The following C1QA variants were observed in gnomAD, a reference collection of about 807,000 sequenced individuals.
C1QA encodes complement C1q A chain, also known as complement C1q subcomponent subunit A.
Under a neutral mutation model 6.9 loss-of-function variants are expected in C1QA, and 3 were observed. That is an observed-to-expected ratio of 0.44 (90% CI 0.20 to 1.12). C1QA has a LOEUF of 1.12. Ranked by LOEUF, C1QA falls within the 50% of genes most tolerant of loss-of-function variation. The probability of loss-of-function intolerance (pLI) is 0.27; values close to 1 mark genes in which losing one functional copy is unlikely to be tolerated. For synonymous variants in C1QA, 128 were observed against 134.1 expected (o/e 0.95, Z 0.31); for missense variants, 273 against 326.6 (o/e 0.84, Z 1.26).
chr1:22,637,050 C>A lies in C1QA; in HGVS notation c.-8+348C>A, dbSNP rs1642191870. 6.6e-6 allele frequency among the ~76,000 whole-genome samples: 1 copy of A among 152,164 alleles called. No individual in the cohort carries two copies. Among genetic ancestry groups the A allele is most frequent in the South Asian group, 2.1e-4 (1 of 4,828 alleles). On this transcript the variant is annotated intron_variant, in intron 1 of 2. Coordinates refer to ENST00000374642, the MANE Select transcript of C1QA (RefSeq NM_015991.4). This position sits in a 1 kb window ranked among gnomAD's most constrained non-coding sequence, Gnocchi z 4.4. ...CAGCAGAGGGGACTGTAGGGGCAGCCAGTCACCCATGCTCAGGTGGATGCT... is the reference window on the plus strand; with the variant it reads ...CAGCAGAGGGGACTGTAGGGGCAGCAAGTCACCCATGCTCAGGTGGATGCT...
rs551741070 is a variant in C1QA at position 22,637,403 on chromosome 1, T to A, written c.-7-207T>A. Among the ~76,000 whole-genome samples the A allele has an allele frequency of 3.6e-4, 55 of 152,218 alleles. No individual in the cohort carries two copies. Among genetic ancestry groups the A allele is most frequent in the African/African-American group, 1.1e-3 (46 of 41,524 alleles). The stretch of plus-strand genomic sequence containing the variant: ...GTGTGAAGATGTGGGTGTGCTCTGT[T>A]GCATGTGTGGATGTGTGTGAGTTTG... On this transcript the variant is annotated intron_variant, in intron 1 of 2. Coordinates refer to ENST00000374642, the MANE Select transcript of C1QA (RefSeq NM_015991.4). The surrounding 1 kb of genome is among the most constrained non-coding windows in gnomAD (Gnocchi z 4.4).
At position 22,639,085 on chromosome 1, in the gene C1QA, A is replaced by G. The variant is rs1376204164; in HGVS notation, c.416A>G (p.Asn139Ser). 6.2e-7 allele frequency: 1 copy of G among 1,614,100 alleles called. No homozygotes were observed. The highest frequency in any genetic ancestry group is 8.5e-7 in the Non-Finnish European group (1 of 1,180,042). Residue 139 changes from asparagine to serine, a missense_variant, in exon 3 of 3, where the codon AAC becomes AGC. Coordinates refer to ENST00000374642, the MANE Select transcript of C1QA (RefSeq NM_015991.4). The surrounding 1 kb of genome is among the most constrained non-coding windows in gnomAD (Gnocchi z 4.6). ...NVVIFDTVIT[N>S]QEEPYQNHSG... ...GTCATCTTCGACACGGTCATCACCAACCAGGAAGAACCGTACCAGAACCAC... is the reference window on the plus strand; with the variant it reads ...GTCATCTTCGACACGGTCATCACCAGCCAGGAAGAACCGTACCAGAACCAC...
chr1:22,637,858 T>A lies in C1QA; in HGVS notation c.163+79T>A. ...CCAGGGTGAAGGCTTGGGGTGGCAC[T>A]GAGAATCAGGAGTCCGTCTGCCCCC... On this transcript the variant is annotated intron_variant, in intron 2 of 2. Transcript: ENST00000374642. This position sits in a 1 kb window ranked among gnomAD's most constrained non-coding sequence, Gnocchi z 4.4. The A allele has an allele frequency of 6.8e-7, 1 of 1,463,830 alleles. No homozygotes were observed. The highest frequency in any genetic ancestry group is 2.1e-5 in the Admixed American group (1 of 46,630). The allele number at this position is 1,463,830 out of a possible 1,614,324, so 90.7% of individuals were successfully genotyped here. A position where few individuals can be genotyped will look rare whatever the true frequency, so the allele number is the denominator to read the frequency against.
chr1:22,638,552 C>T (rs1177642949), intron 2 of C1QA, among the ~76,000 whole-genome samples: 1 of 152,200 alleles, frequency 6.6e-6, no homozygotes, highest in Non-Finnish European at 1.5e-5. Context: ...AAGTCCTCAG[C>T]CTTGGGCAGG....
In C1QA at chr1:22,639,222, C is replaced by T; in HGVS notation, c.553C>T (p.Arg185Cys). The change falls in exon 3 of 3, where the codon CGC (arginine) becomes TGC (cysteine). Residue 185 changes from arginine (R) to cysteine (C), a missense_variant. Physicochemically the swap from Arg to Cys is radical, Grantham distance 180. Coordinates refer to ENST00000374642, the MANE Select transcript of C1QA (RefSeq NM_015991.4). The surrounding 1 kb of genome is among the most constrained non-coding windows in gnomAD (Gnocchi z 4.6). ...CTCCTCCTCAAGGGGCCAGGTCCGA[C>T]GCTCCCTGGGCTTCTGTGACACCAC... Reference protein sequence around the residue: ...IVSSSRGQVRRSLGFCDTTNK... With the variant: ...IVSSSRGQVRCSLGFCDTTNK... 6.2e-7 allele frequency: 1 copy of T among 1,614,224 alleles called. No individual in the cohort carries two copies.
rs1329708428 is a variant in C1QA at position 22,638,960 on chromosome 1, G to A, written c.291G>A (p.Pro97=). The A allele has an allele frequency of 5.0e-6, 8 of 1,608,434 alleles. No homozygotes were observed. Among genetic ancestry groups the A allele is most frequent in the East Asian group, 4.5e-5 (2 of 44,622 alleles). Residue 97 remains proline (P), a synonymous_variant, in exon 3 of 3, where the codon CCG becomes CCA. Coordinates refer to ENST00000374642, the MANE Select transcript of C1QA (RefSeq NM_015991.4). ...PSGPLGARGI[P]GIKGTKGSPG... is the part of the protein sequence containing the mutation. The stretch of plus-strand genomic sequence containing the variant: ...GCCCCCTCGGAGCCCGTGGCATCCC[G>A]GGAATTAAAGGCACCAAGGGCAGCC...
chr1:22,639,059 G>C lies in C1QA; in HGVS notation c.390G>C (p.Val130=). ...GGAACCCCCCAATGGGGGGCAACGT[G>C]GTCATCTTCGACACGGTCATCACCA... ...IRRNPPMGGN[V]VIFDTVITNQ... is the part of the protein sequence containing the mutation. Residue 130 remains valine, a synonymous_variant, in exon 3 of 3, where the codon GTG becomes GTC. Coordinates refer to ENST00000374642, the MANE Select transcript of C1QA (RefSeq NM_015991.4). This position sits in a 1 kb window ranked among gnomAD's most constrained non-coding sequence, Gnocchi z 4.6. 1 of 1,614,242 alleles carries C rather than the reference G, an allele frequency of 6.2e-7. No homozygotes were observed. The highest frequency in any genetic ancestry group is 2.2e-5 in the East Asian group (1 of 44,876).
Position 22,637,852 on chromosome 1 carries a change from T to C in C1QA, c.163+73T>C. 1 of 1,475,524 alleles carries C rather than the reference T, an allele frequency of 6.8e-7. No homozygotes were observed. The highest frequency in any genetic ancestry group is 1.4e-5 in the African/African-American group (1 of 71,628). The allele number at this position is 1,475,524 out of a possible 1,614,324, so 91.4% of individuals were successfully genotyped here. On this transcript the variant is annotated intron_variant, in intron 2 of 2. Transcript: ENST00000374642. The surrounding 1 kb of genome is among the most constrained non-coding windows in gnomAD (Gnocchi z 4.4). ...TGGCCTCCAGGGTGAAGGCTTGGGG[T>C]GGCACTGAGAATCAGGAGTCCGTCT...
chr1:22,638,685 C>T lies in C1QA; in HGVS notation c.164-148C>T, dbSNP rs374656587. The T allele has an allele frequency of 1.1e-5, 10 of 912,048 alleles. No individual in the cohort carries two copies. The African/African-American group carries it at 1.5e-4, about 14-fold the overall frequency. 56.5% of individuals were successfully genotyped at this position (912,048 alleles called of 1,614,324 possible). Reference sequence around the variant, plus strand: ...GGCTCAGAGAGGTTGAGACACTTGCCCAAAGTCACACAGCCAATCAGAATC... The same window carrying T: ...GGCTCAGAGAGGTTGAGACACTTGCTCAAAGTCACACAGCCAATCAGAATC... On this transcript the variant is annotated intron_variant, in intron 2 of 2. Coordinates refer to ENST00000374642, the MANE Select transcript of C1QA (RefSeq NM_015991.4).
rs556911649 is a variant in C1QA at position 22,639,519 on chromosome 1, C to G, written c.*112C>G. On this transcript the variant is annotated 3_prime_UTR_variant, in exon 3 of 3. Coordinates refer to ENST00000374642, the MANE Select transcript of C1QA (RefSeq NM_015991.4). This position sits in a 1 kb window ranked among gnomAD's most constrained non-coding sequence, Gnocchi z 4.6. ...AGGGAGGGGGCTGGCTCTGAGAGCC[C>G]CAGGACTGGCTGCCCCGTGACACAT... The G allele has an allele frequency of 3.2e-6, 4 of 1,241,736 alleles. No homozygotes were observed. The East Asian group carries it at 9.9e-5, about 31-fold the overall frequency. The allele number at this position is 1,241,736 out of a possible 1,614,324, so 76.9% of individuals were successfully genotyped here. A position where few individuals can be genotyped will look rare whatever the true frequency, so the allele number is the denominator to read the frequency against.
Position 22,637,588 on chromosome 1 carries a change from A to C in C1QA, c.-7-22A>C. Reference sequence around the variant, plus strand: ...TGTGAGTGTGATGTCCAACCTGCCCAGGCCCTCCCGTGTCTCCACAGAGGC... The same window carrying C: ...TGTGAGTGTGATGTCCAACCTGCCCCGGCCCTCCCGTGTCTCCACAGAGGC... On this transcript the variant is annotated intron_variant, in intron 1 of 2. Coordinates refer to ENST00000374642, the MANE Select transcript of C1QA (RefSeq NM_015991.4). This position sits in a 1 kb window ranked among gnomAD's most constrained non-coding sequence, Gnocchi z 4.4. 6.2e-7 allele frequency: 1 copy of C among 1,613,156 alleles called. No homozygotes were observed. The highest frequency in any genetic ancestry group is 8.5e-7 in the Non-Finnish European group (1 of 1,179,732).
chr1:22,638,696 C>T (rs1642217064), intron 2 of C1QA, 137 bp from the exon 3 acceptor site: 2 of 980,674 alleles, frequency 2.0e-6, no homozygotes, highest in African/African-American at 3.2e-5. Context: ...CAAAGTCACA[C>T]AGCCAATCAG....
At position 22,637,772 on chromosome 1, in the gene C1QA, G is replaced by T; in HGVS notation, c.156G>T (p.Gly52=). The change falls in exon 2 of 3, where the codon GGG becomes GGT. Residue 52 remains glycine, a synonymous_variant. Coordinates refer to ENST00000374642, the MANE Select transcript of C1QA (RefSeq NM_015991.4). The surrounding 1 kb of genome is among the most constrained non-coding windows in gnomAD (Gnocchi z 4.4). ...GGCCAGGCCTCAAGGGGGAGCAAGGGGAGCCGGGTAAGCACCCTTCCTCGG... is the reference window on the plus strand; with the variant it reads ...GGCCAGGCCTCAAGGGGGAGCAAGGTGAGCCGGGTAAGCACCCTTCCTCGG... The part of the protein sequence containing the change: ...RGRPGLKGEQ[G]EPGAPGIRTG... 6.3e-7 allele frequency: 1 copy of T among 1,582,564 alleles called. No homozygotes were observed. Among genetic ancestry groups the T allele is most frequent in the Non-Finnish European group, 8.6e-7 (1 of 1,164,898 alleles).
In C1QA at chr1:22,637,557, G is replaced by T. The variant is rs2148289826; in HGVS notation, c.-7-53G>T. 6.3e-7 allele frequency: 1 copy of T among 1,599,672 alleles called. No individual in the cohort carries two copies. Among genetic ancestry groups the T allele is most frequent in the East Asian group, 2.2e-5 (1 of 44,644 alleles). On this transcript the variant is annotated intron_variant, in intron 1 of 2. Coordinates refer to ENST00000374642, the MANE Select transcript of C1QA (RefSeq NM_015991.4). This position sits in a 1 kb window ranked among gnomAD's most constrained non-coding sequence, Gnocchi z 4.4. ...GTGTGCATGGGACTCAAGGGTGGGA[G>T]CTGGGTGTGAGTGTGATGTCCAACC...
Position 22,637,917 on chromosome 1 carries a change from G to T in C1QA, c.163+138G>T. On this transcript the variant is annotated intron_variant, in intron 2 of 2. Transcript: ENST00000374642. This position sits in a 1 kb window ranked among gnomAD's most constrained non-coding sequence, Gnocchi z 4.4. Reference sequence around the variant, plus strand: ...ATGAATCCTCTCCAGTTTGTACTTGGCCACAGGGGCTAAGGGAGGCCTAGC... The same window carrying T: ...ATGAATCCTCTCCAGTTTGTACTTGTCCACAGGGGCTAAGGGAGGCCTAGC... 4 of 1,206,374 alleles carry T rather than the reference G, an allele frequency of 3.3e-6. No homozygotes were observed. Among genetic ancestry groups the T allele is most frequent in the Non-Finnish European group, 4.5e-6 (4 of 884,142 alleles). 74.7% of individuals were successfully genotyped at this position (1,206,374 alleles called of 1,614,324 possible).
intron 2 of C1QA, among the ~76,000 whole-genome samples, chr1:22,638,127 C>T (rs977348509): frequency 5.3e-5 from 8 of 152,218 alleles, no homozygotes; most frequent in African/African-American, 1.7e-4. Context: ...AGAGTTTAGA[C>T]TCAGGAGCCA....
chr1:22,639,073 C>A lies in C1QA; in HGVS notation c.404C>A (p.Thr135Lys), dbSNP rs759710656. ...GGGGGCAACGTGGTCATCTTCGACA[C>A]GGTCATCACCAACCAGGAAGAACCG... is the stretch of plus-strand genomic sequence containing the variant. ...PMGGNVVIFD[T>K]VITNQEEPYQ... Residue 135 changes from threonine to lysine, a missense_variant, in exon 3 of 3, where the codon ACG becomes AAG. Transcript: ENST00000374642. This position sits in a 1 kb window ranked among gnomAD's most constrained non-coding sequence, Gnocchi z 4.6. 1 of 1,614,250 alleles carries A rather than the reference C, an allele frequency of 6.2e-7. No individual in the cohort carries two copies. The highest frequency in any genetic ancestry group is 8.5e-7 in the Non-Finnish European group (1 of 1,180,050).
At position 22,637,472 on chromosome 1, in the gene C1QA, T is replaced by C. The variant is rs17881187; in HGVS notation, c.-7-138T>C. ...TGGGGTCCTGGGGCTGGATTGAGAGTGGACATTGAGAGCCCCAGAGGGTGC... is the reference window on the plus strand; with the variant it reads ...TGGGGTCCTGGGGCTGGATTGAGAGCGGACATTGAGAGCCCCAGAGGGTGC... On this transcript the variant is annotated intron_variant, in intron 1 of 2. Transcript: ENST00000374642. The surrounding 1 kb of genome is among the most constrained non-coding windows in gnomAD (Gnocchi z 4.4). 3,978 of 1,062,252 alleles carry C rather than the reference T, an allele frequency of 3.7e-3. 96 individuals are homozygous for C. The African/African-American group carries it at 0.054, about 14-fold the overall frequency. 65.8% of individuals were successfully genotyped at this position (1,062,252 alleles called of 1,614,324 possible).
In C1QA at chr1:22,637,466, T is replaced by G; in HGVS notation, c.-7-144T>G. The G allele has an allele frequency of 5.0e-6, 5 of 1,006,756 alleles. No homozygotes were observed. The highest frequency in any genetic ancestry group is 6.0e-6 in the Non-Finnish European group (4 of 668,668). The allele number at this position is 1,006,756 out of a possible 1,614,324, so 62.4% of individuals were successfully genotyped here. On this transcript the variant is annotated intron_variant, in intron 1 of 2. Coordinates refer to ENST00000374642, the MANE Select transcript of C1QA (RefSeq NM_015991.4). The surrounding 1 kb of genome is among the most constrained non-coding windows in gnomAD (Gnocchi z 4.4). ...TATGCGTGGGGTCCTGGGGCTGGAT[T>G]GAGAGTGGACATTGAGAGCCCCAGA...
Sources: gnomAD v4.1 joint callset for allele counts (sites outside exome capture counted in the v4.1 genomes callset) on GRCh38, gnomAD v4.1.1 for gene constraint, Gnocchi (gnomAD v3.1) non-coding constraint, MANE v1.5 for transcripts, NCBI Gene and HGNC (gene_info 2026-07-23, HGNC 2026-07-21) for gene names.